Variants in ARCN1 observed in about 807,000 individuals in gnomAD.
The protein encoded by ARCN1 is coatomer subunit delta.
In ARCN1, 5 loss-of-function variants were observed where a neutral mutation model predicts 60.4. The observed-to-expected ratio is 0.08, with a 90% CI of 0.04 to 0.17. The LOEUF (loss-of-function observed/expected upper bound fraction) is 0.17, where lower values mean the gene tolerates loss of function less well. ARCN1 is among the 10% of genes least tolerant of loss of function. The pLI is 1.00. For missense variants in ARCN1, 464 were observed against 626.5 expected, an observed-to-expected ratio of 0.74 and a Z score of 2.77; for synonymous variants, 224 against 220.0, an observed-to-expected ratio of 1.02 and a Z score of -0.16.
chr11:118,595,805 C>T (rs1461465760), intron 8 of ARCN1, among the ~76,000 whole-genome samples: 5 of 152,338 alleles, frequency 3.3e-5, no homozygotes, highest in South Asian at 2.1e-4. Flanking sequence ...CAGTGGCTCA[C>T]GCCTGTAATC....
intron 6 of ARCN1, among the ~76,000 whole-genome samples, chr11:118,591,800 C>G (rs1432921064): frequency 6.6e-6 from 1 of 151,042 alleles, no homozygotes; most frequent in Non-Finnish European, 1.5e-5. Context: ...AGCAGCACAA[C>G]CTTGGCTCGC....
intron 5 of ARCN1, among the ~76,000 whole-genome samples, chr11:118,588,984 C>G (rs889179547): frequency 6.6e-6 from 1 of 152,156 alleles, no homozygotes; most frequent in Non-Finnish European, 1.5e-5. Flanking sequence ...CGCCATTGCA[C>G]TCCAGCCTGG....
At chr11:118,584,426 G>T in intron 4 of ARCN1, 54 bp from the exon 5 acceptor site, 1 of 1,528,004 alleles carries the variant, frequency 6.5e-7, no homozygotes, top group South Asian at 1.3e-5. Flanking sequence ...ATCAGATCAT[G>T]TGTGCTTGTA....
intron 6 of ARCN1, among the ~76,000 whole-genome samples, chr11:118,591,604 G>C (rs1433198518): frequency 2.0e-5 from 3 of 151,962 alleles, no homozygotes; most frequent in Non-Finnish European, 4.4e-5. Flanking sequence ...TGTTGGCCAA[G>C]CTGGTCTCGA....
In ARCN1 at chr11:118,572,445, A is replaced by C. The variant is rs1555072581; in HGVS notation, c.-103A>C. On this transcript the variant is annotated 5_prime_UTR_variant, in exon 1 of 10. Coordinates refer to ENST00000264028, the MANE Select transcript of ARCN1 (RefSeq NM_001655.5). Reference sequence around the variant, plus strand: ...AGGCGAAGCGGCAGCGGTTCCTGTCAAGGGGGCAGCAGGTCCAGAGCTGCT... The same window carrying C: ...AGGCGAAGCGGCAGCGGTTCCTGTCCAGGGGGCAGCAGGTCCAGAGCTGCT... 1 of 1,246,176 alleles carries C rather than the reference A, an allele frequency of 8.0e-7. No homozygotes were observed. Among genetic ancestry groups the C allele is most frequent in the Non-Finnish European group, 1.1e-6 (1 of 909,310 alleles). The allele number at this position is 1,246,176 out of a possible 1,614,324, so 77.2% of individuals were successfully genotyped here. A position where few individuals can be genotyped will look rare whatever the true frequency, so the allele number is the denominator to read the frequency against.
intron 7 of ARCN1, among the ~76,000 whole-genome samples, chr11:118,593,093 T>G (rs1227502116): frequency 1.3e-5 from 2 of 152,210 alleles, no homozygotes; most frequent in Admixed American, 6.5e-5. Flanking sequence ...AGACAAGGTC[T>G]TCTTCTGTTG....
chr11:118,583,388 T>C, intron 3 of ARCN1, 30 bp downstream of exon 3: 1 of 1,569,552 alleles, frequency 6.4e-7, no homozygotes, highest in Non-Finnish European at 8.6e-7. Flanking sequence ...GGACTACCTG[T>C]TTGTATGTCT....
chr11:118,573,643 C>T, intron 1 of ARCN1: 1 of 701,512 alleles, frequency 1.4e-6, no homozygotes, highest in Non-Finnish European at 2.6e-6. Flanking sequence ...AAACATCGTC[C>T]AGTGTACCTG....
chr11:118,600,142 A>G (rs1238095657), intron 9 of ARCN1, among the ~76,000 whole-genome samples: 1 of 152,224 alleles, frequency 6.6e-6, no homozygotes, highest in African/African-American at 2.4e-5. Context: ...ACATTTATTT[A>G]TTTAAAAAGG....
At chr11:118,593,501 C>G (rs1255358462) in intron 7 of ARCN1, 89 bp from the exon 8 acceptor site, 6 of 850,724 alleles carry the variant, frequency 7.1e-6, no homozygotes, top group Non-Finnish European at 1.1e-5. Context: ...CACCTTGGTC[C>G]TCTAAAGCGC....
Position 118,592,715 on chromosome 11 carries a change from C to T in ARCN1, c.991C>T (p.Pro331Ser). 6.2e-7 allele frequency: 1 copy of T among 1,613,770 alleles called. No homozygotes were observed. Reference sequence around the variant, plus strand: ...CCTTTCCCTCTCATTCTAGACCCATCCAAATGTGGATAAAAAACTTTTCAC... The same window carrying T: ...CCTTTCCCTCTCATTCTAGACCCATTCAAATGTGGATAAAAAACTTTTCAC... ...DKKGVQLQTH[P>S]NVDKKLFTAE... The change falls in exon 7 of 10, where the codon CCA becomes TCA. Residue 331 changes from proline to serine, a missense_variant. Physicochemically the swap from Pro to Ser is moderately conservative, Grantham distance 74. This residue lies in a region of ARCN1 where 359 missense variants were observed against 440.2 expected (regional missense o/e 0.82). Transcript: ENST00000264028.
chr11:118,573,581 G>A, intron 1 of ARCN1: 1 of 653,128 alleles, frequency 1.5e-6, no homozygotes, highest in South Asian at 1.6e-5. Flanking sequence ...TCTTTTGAAG[G>A]ATGTTCTGTT....
chr11:118,585,280 C>A (rs1279206913), intron 5 of ARCN1, among the ~76,000 whole-genome samples: 1 of 152,022 alleles, frequency 6.6e-6, no homozygotes, highest in Non-Finnish European at 1.5e-5. Context: ...TTTCCTTAAA[C>A]CATGATTGGG....
In ARCN1 at chr11:118,581,525, T is replaced by C. The variant is rs782002072; in HGVS notation, c.267+16T>C. The C allele has an allele frequency of 6.3e-7, 1 of 1,579,882 alleles. No individual in the cohort carries two copies. Reference sequence around the variant, plus strand: ...CTCAAGAGTGGTAAGAGTACTGCTATAATACTGGGTTCCACTTTTTGTTTT... The same window carrying C: ...CTCAAGAGTGGTAAGAGTACTGCTACAATACTGGGTTCCACTTTTTGTTTT... On this transcript the variant is annotated intron_variant, in intron 2 of 9. Transcript: ENST00000264028.
intron 9 of ARCN1, among the ~76,000 whole-genome samples, chr11:118,598,388 C>T (rs1246938279): frequency 2.0e-5 from 3 of 151,658 alleles, no homozygotes; most frequent in Non-Finnish European, 4.4e-5. Context: ...ATTTATGTCA[C>T]AGCTCCCTTT....
chr11:118,572,702 G>A, intron 1 of ARCN1, 152 bp downstream of exon 1: 1 of 886,848 alleles, frequency 1.1e-6, no homozygotes, highest in Non-Finnish European at 1.7e-6. Context: ...GTGGCCTCCT[G>A]TGCCCGGTCT....
rs17742 is a variant in ARCN1 at position 118,602,670 on chromosome 11, T to C, written c.*1956T>C. The C allele has an allele frequency of 0.17, 25,533 of 153,744 alleles. 2,711 individuals carry two copies. The highest frequency in any genetic ancestry group is 0.53 in the East Asian group (2,728 of 5,170). 9.5% of individuals were successfully genotyped at this position (153,744 alleles called of 1,614,324 possible). On this transcript the variant is annotated 3_prime_UTR_variant, in exon 10 of 10. Transcript: ENST00000264028. ...CACATGAGGTTTTTCTGAGAAGGGC[T>C]TGGGACAAGAAGTCTGTCATGTTAG...
At chr11:118,589,239 AAC>A (rs1490416194) in intron 5 of ARCN1, among the ~76,000 whole-genome samples, 2 of 152,182 alleles carry the variant, frequency 1.3e-5, no homozygotes, top group African/African-American at 4.8e-5. Context: ...GAGAGAGAGA[AAC>A]ACAAGTGCAA....
chr11:118,580,160 C>T (rs7126175), intron 1 of ARCN1, among the ~76,000 whole-genome samples: 25,212 of 151,914 alleles, frequency 0.17, 2,669 homozygotes, highest in East Asian at 0.53. Context: ...CCACTTCTAC[C>T]GAAAATACAA....
Sources: allele counts gnomAD v4.1 joint callset (sites outside exome capture counted in the v4.1 genomes callset), GRCh38; gene constraint gnomAD v4.1.1; regional missense constraint gnomAD v4.1.1; transcripts MANE v1.5; gene names NCBI Gene and HGNC (gene_info 2026-07-23, HGNC 2026-07-21).